The following CRCP variants were observed in gnomAD, a reference collection of about 807,000 sequenced individuals.
CRCP encodes CGRP receptor component, also known as DNA-directed RNA polymerase III subunit RPC9.
In CRCP, 18 loss-of-function variants were observed where a neutral mutation model predicts 18.5. The observed-to-expected ratio is 0.97, with a 90% confidence interval of 0.67 to 1.44. CRCP has a LOEUF of 1.44. Ranked by LOEUF, CRCP falls within the 40% of genes most tolerant of loss-of-function variation. CRCP has a pLI of 0.00. For synonymous variants in CRCP, 53 were observed against 62.9 expected, an observed-to-expected ratio of 0.84 and a Z score of 0.75; for missense variants, 130 against 176.4, an observed-to-expected ratio of 0.74 and a Z score of 1.49.
At chr7:66,141,360 C>T (rs940485536) in intron 4 of CRCP, among the ~76,000 whole-genome samples, 7 of 152,132 alleles carry the variant, frequency 4.6e-5, no homozygotes, top group Non-Finnish European at 8.8e-5. Context: ...GTGCACTTCT[C>T]CCACCTCGCC....
rs1788261780 is a variant in CRCP, at chr7:66,145,315, A to C, written c.240-128A>C. 5 of 875,418 alleles carry C rather than the reference A, an allele frequency of 5.7e-6. No homozygotes were observed. The South Asian group carries it at 7.0e-5, about 12-fold the overall frequency. The allele number at this position is 875,418 out of a possible 1,614,324, so 54.2% of individuals were successfully genotyped here. A position where few individuals can be genotyped will look rare whatever the true frequency, so the allele number is the denominator to read the frequency against. On this transcript the variant is annotated intron_variant, in intron 4 of 5. Coordinates refer to ENST00000395326, the MANE Select transcript of CRCP (RefSeq NM_014478.5). ...TTCCCATTCTCTCGATTTACAGTTG[A>C]AGGAACTGAGGGCCACACTCCAGTG...
At chr7:66,120,207 GA>G (rs912605060) in intron 1 of CRCP, among the ~76,000 whole-genome samples, 17 of 151,100 alleles carry the variant, frequency 1.1e-4, no homozygotes, top group African/African-American at 1.7e-4. Context: ...AAAAGAAAAA[GA>G]AAAAAAAATG....
chr7:66,117,773 G>A (rs1489213011), intron 1 of CRCP, among the ~76,000 whole-genome samples: 2 of 151,996 alleles, frequency 1.3e-5, no homozygotes, highest in Non-Finnish European at 2.9e-5. Flanking sequence ...CTCTTACCAG[G>A]ACCTGCAAGA....
In CRCP at chr7:66,146,187, T is replaced by C. The variant is rs556053503; in HGVS notation, c.297+687T>C. On this transcript the variant is annotated intron_variant, in intron 5 of 5. Transcript: ENST00000395326. ...GAGATCACATCTAAAACCATGAATGTGATCCCATTTCCCTGCATAAACCGT... is the reference window on the plus strand; with the variant it reads ...GAGATCACATCTAAAACCATGAATGCGATCCCATTTCCCTGCATAAACCGT... Among the ~76,000 whole-genome samples, 9 of 152,304 alleles carry C rather than the reference T, an allele frequency of 5.9e-5. No homozygotes were observed. The East Asian group carries it at 1.7e-3, about 29-fold the overall frequency.
At chr7:66,151,785 C>T (rs1234756621) in intron 5 of CRCP, among the ~76,000 whole-genome samples, 1 of 114,604 alleles carries the variant, frequency 8.7e-6, no homozygotes, top group Non-Finnish European at 1.7e-5. Flanking sequence ...CAAAGTCTTG[C>T]TCTGTCACCC....
intron 4 of CRCP, among the ~76,000 whole-genome samples, chr7:66,138,417 A>G (rs996563336): frequency 6.6e-6 from 1 of 151,874 alleles, no homozygotes; most frequent in African/African-American, 2.4e-5. Flanking sequence ...TTAATCCGCT[A>G]TCACTCTAAC....
At chr7:66,145,336 C>T in intron 4 of CRCP, 107 bp from the exon 5 acceptor site, 1 of 1,108,270 alleles carries the variant, frequency 9.0e-7, no homozygotes, top group Non-Finnish European at 1.4e-6. Context: ...GGCCACACTC[C>T]AGTGGTTCTC....
At chr7:66,132,973 G>A (rs1323271695) in intron 3 of CRCP, among the ~76,000 whole-genome samples, 2 of 152,032 alleles carry the variant, frequency 1.3e-5, no homozygotes, top group Non-Finnish European at 2.9e-5. Flanking sequence ...CATATTCAAG[G>A]GGAAGCGGGG....
chr7:66,134,231 G>C lies in CRCP; in HGVS notation c.145-49G>C, dbSNP rs756580011. On this transcript the variant is annotated intron_variant, in intron 3 of 5. Transcript: ENST00000395326. ...ATTGCCTTTGTTTTTTCTCATTCAG[G>C]GTTCTTTGTCTTATGCTTGGCTTTT... is the stretch of plus-strand genomic sequence containing the variant. 5.2e-6 allele frequency: 7 copies of C among 1,338,460 alleles called. No homozygotes were observed. In the East Asian group the frequency reaches 1.2e-4, roughly 22 times the overall value. 82.9% of individuals were successfully genotyped at this position (1,338,460 alleles called of 1,614,324 possible). A position where few individuals can be genotyped will look rare whatever the true frequency, so the allele number is the denominator to read the frequency against.
chr7:66,130,444 C>T (rs561158991), intron 2 of CRCP, among the ~76,000 whole-genome samples: 1 of 152,088 alleles, frequency 6.6e-6, no homozygotes, highest in Non-Finnish European at 1.5e-5. Flanking sequence ...TTAAGAAAAT[C>T]TGCTTTCAAA....
chr7:66,129,147 CACGGTGAA>C lies in CRCP; in HGVS notation c.45+1410_45+1417del, dbSNP rs1200083116. Among the ~76,000 whole-genome samples, 3 of 152,214 alleles carry C rather than the reference CACGGTGAA, an allele frequency of 2.0e-5. No individual in the cohort carries two copies. In the East Asian group the frequency reaches 5.8e-4, roughly 29 times the overall value. The stretch of plus-strand genomic sequence containing the variant: ...AGGAGATCAAGAACATCCTGGCTAA[CACGGTGAA>C]ACCCCGTCTCTACTAAAAATACAAA... On this transcript the variant is annotated intron_variant, in intron 2 of 5. Transcript: ENST00000395326.
At chr7:66,135,197 C>T (rs1311178411) in intron 4 of CRCP, among the ~76,000 whole-genome samples, 1 of 152,138 alleles carries the variant, frequency 6.6e-6, no homozygotes, top group Non-Finnish European at 1.5e-5. Flanking sequence ...ATTGGTAGAA[C>T]CAATAGTTCT....
At chr7:66,147,210 T>C (rs316320) in intron 5 of CRCP, among the ~76,000 whole-genome samples, 116,425 of 151,942 alleles carry the variant, frequency 0.77, 44,797 homozygotes, top group African/African-American at 0.82. Context: ...GGCATGATGG[T>C]GCACACCTGT....
At chr7:66,130,387 A>G (rs1332246393) in intron 2 of CRCP, 2 of 185,816 alleles carry the variant, frequency 1.1e-5, no homozygotes, top group African/African-American at 2.4e-5. Flanking sequence ...TACAGGCGTG[A>G]GCCATCATGC....
intron 1 of CRCP, 95 bp downstream of exon 1, chr7:66,115,065 C>A: frequency 6.5e-7 from 1 of 1,531,602 alleles, no homozygotes; most frequent in Non-Finnish European, 8.9e-7. Context: ...CTGGGCGACC[C>A]TCGTACGGGA....
intron 1 of CRCP, among the ~76,000 whole-genome samples, chr7:66,116,841 C>T (rs1029124438): frequency 2.0e-5 from 3 of 152,142 alleles, no homozygotes; most frequent in Non-Finnish European, 2.9e-5. Flanking sequence ...CCTGAACCAG[C>T]GGGGCGTGGT....
intron 5 of CRCP, among the ~76,000 whole-genome samples, chr7:66,149,901 G>T (rs1788405193): frequency 6.6e-6 from 1 of 152,024 alleles, no homozygotes; most frequent in African/African-American, 2.4e-5. Flanking sequence ...CTGCCTCCTG[G>T]GTTCACACCA....
At position 66,152,204 on chromosome 7, in the gene CRCP, G is replaced by A. The variant is rs1788498505; in HGVS notation, c.298-4G>A. On this transcript the variant is annotated splice_region_variant and splice_polypyrimidine_tract_variant and intron_variant, in intron 5 of 5. Coordinates refer to ENST00000395326, the MANE Select transcript of CRCP (RefSeq NM_014478.5). The stretch of plus-strand genomic sequence containing the variant: ...ACCCTGGAGGATTTTCTTTCCTTCT[G>A]CAGATGGTGGAAGAGAGTGAAGAGC... 1.2e-6 allele frequency: 2 copies of A among 1,613,894 alleles called. No individual in the cohort carries two copies. Among genetic ancestry groups the A allele is most frequent in the Non-Finnish European group, 8.5e-7 (1 of 1,180,000 alleles).
chr7:66,121,711 G>A (rs1584060142), intron 1 of CRCP, among the ~76,000 whole-genome samples: 1 of 152,100 alleles, frequency 6.6e-6, no homozygotes. Context: ...GGCTGGAAAA[G>A]TTTGTATCCA....
Sources: allele counts gnomAD v4.1 joint callset (sites outside exome capture counted in the v4.1 genomes callset), GRCh38; gene constraint gnomAD v4.1.1; transcripts MANE v1.5; gene names NCBI Gene and HGNC (gene_info 2026-07-23, HGNC 2026-07-21).